PTN: variants seen among roughly 807,000 people sequenced by gnomAD.
PTN encodes pleiotrophin, also known as heparin affin regulatory protein.
In PTN, 18 loss-of-function variants were observed where a neutral mutation model predicts 24.1. The observed-to-expected ratio is 0.75, with a 90% CI of 0.52 to 1.11. The LOEUF (loss-of-function observed/expected upper bound fraction) is 1.11. Ranked by LOEUF, PTN falls within the 50% of genes least tolerant of loss-of-function variation. PTN has a pLI of 0.00. For missense variants in PTN, 163 were observed against 198.8 expected, an observed-to-expected ratio of 0.82 and a Z score of 1.08; for synonymous variants, 78 against 68.6, an observed-to-expected ratio of 1.14 and a Z score of -0.67.
At chr7:137,251,095 C>G (rs1021835882) in intron 4 of PTN, 135 bp downstream of exon 4, 42 of 1,033,726 alleles carry the variant, frequency 4.1e-5, no homozygotes, top group Admixed American at 1.9e-4. Flanking sequence ...TTTTGTGACT[C>G]TCAGTGTAGG....
At chr7:137,239,199 T>C (rs1239575017) in intron 4 of PTN, among the ~76,000 whole-genome samples, 6 of 152,172 alleles carry the variant, frequency 3.9e-5, no homozygotes, top group Admixed American at 3.9e-4. Flanking sequence ...TGATCCCAAG[T>C]GAGCTCATTG....
chr7:137,293,922 T>C (rs1305886069), intron 1 of PTN, among the ~76,000 whole-genome samples: 2 of 152,122 alleles, frequency 1.3e-5, no homozygotes, highest in African/African-American at 4.8e-5. Context: ...GTCTGTGCTA[T>C]GACCTCCCTT....
At chr7:137,269,798 A>T (rs927496145) in intron 1 of PTN, among the ~76,000 whole-genome samples, 1 of 151,620 alleles carries the variant, frequency 6.6e-6, no homozygotes, top group Non-Finnish European at 1.5e-5. Flanking sequence ...CTGCCCGGCT[A>T]ATTTTTGTAC....
At chr7:137,301,300 G>T (rs1809801499) in intron 1 of PTN, among the ~76,000 whole-genome samples, 1 of 151,944 alleles carries the variant, frequency 6.6e-6, no homozygotes, top group Non-Finnish European at 1.5e-5. Flanking sequence ...CCCAAGGGCA[G>T]TGTAAAGACC....
At chr7:137,281,980 T>G (rs533602927) in intron 1 of PTN, among the ~76,000 whole-genome samples, 1 of 152,274 alleles carries the variant, frequency 6.6e-6, no homozygotes, top group Admixed American at 6.5e-5. Flanking sequence ...AGAAACAGGG[T>G]TTGAACTCAG....
Position 137,244,262 on chromosome 7 carries a change from G to C in PTN, c.451+6968C>G, listed in dbSNP as rs377595985. Among the ~76,000 whole-genome samples the C allele has an allele frequency of 1.8e-4, 28 of 151,918 alleles. No individual in the cohort carries two copies. In the South Asian group the frequency reaches 5.8e-3, roughly 32 times the overall value. ...TAATACTGCCTCCATCTCCAGGAAA[G>C]CTAAATTCCAGATGTGCACATTTCA... On this transcript the variant is annotated intron_variant, in intron 4 of 4. Coordinates refer to ENST00000348225, the MANE Select transcript of PTN (RefSeq NM_002825.7).
At chr7:137,325,992 G>A (rs938560047) in intron 1 of PTN, 3 of 152,134 alleles carry the variant, frequency 2.0e-5, no homozygotes, top group Non-Finnish European at 4.4e-5. Context: ...AATGAAAAAC[G>A]TTTCTCAGAA....
intron 1 of PTN, among the ~76,000 whole-genome samples, chr7:137,274,742 G>C (rs150154422): frequency 3.7e-4 from 57 of 152,262 alleles, no homozygotes; most frequent in African/African-American, 1.3e-3. Context: ...TAACTATTCT[G>C]TACTTTATAA....
At chr7:137,279,575 T>C (rs1809432024) in intron 1 of PTN, among the ~76,000 whole-genome samples, 1 of 152,206 alleles carries the variant, frequency 6.6e-6, no homozygotes, top group African/African-American at 2.4e-5. Flanking sequence ...GTGTGATCTA[T>C]TTCAGAAGTC....
chr7:137,319,023 T>C (rs1810118754), intron 1 of PTN, among the ~76,000 whole-genome samples: 1 of 152,202 alleles, frequency 6.6e-6, no homozygotes, highest in Non-Finnish European at 1.5e-5. Context: ...CTGATCCATC[T>C]ATCTTTCTCT....
At chr7:137,254,303 A>T (rs1200602438) in intron 2 of PTN, among the ~76,000 whole-genome samples, 2 of 152,096 alleles carry the variant, frequency 1.3e-5, no homozygotes, top group East Asian at 3.9e-4. Flanking sequence ...CTCAAAAAAA[A>T]AAAAAAAGAA....
At chr7:137,313,989 A>G (rs1810027558) in intron 1 of PTN, among the ~76,000 whole-genome samples, 1 of 152,154 alleles carries the variant, frequency 6.6e-6, no homozygotes, top group African/African-American at 2.4e-5. Flanking sequence ...GAGAAATCAC[A>G]TTTGGAAAGC....
intron 1 of PTN, among the ~76,000 whole-genome samples, chr7:137,255,403 A>G (rs1808903712): frequency 6.6e-6 from 1 of 152,198 alleles, no homozygotes; most frequent in Non-Finnish European, 1.5e-5. Flanking sequence ...ACACAAGACC[A>G]ATTTGAGTAG....
chr7:137,310,648 C>T lies in PTN; in HGVS notation c.-2+32791G>A, dbSNP rs185937657. ...CTCAATCTCCTGACCTCATGATCCGCCTGTCTCAGCCTCCCAAAGTGCTGG... is the reference window on the plus strand; with the variant it reads ...CTCAATCTCCTGACCTCATGATCCGTCTGTCTCAGCCTCCCAAAGTGCTGG... On this transcript the variant is annotated intron_variant, in intron 1 of 4. Transcript: ENST00000348225. 2.0e-5 allele frequency among the ~76,000 whole-genome samples: 3 copies of T among 152,202 alleles called. No individual in the cohort carries two copies. The East Asian group carries it at 5.8e-4, about 29-fold the overall frequency.
chr7:137,262,833 G>T (rs1809066888), intron 1 of PTN, among the ~76,000 whole-genome samples: 1 of 152,164 alleles, frequency 6.6e-6, no homozygotes, highest in Admixed American at 6.5e-5. Context: ...GTCAGGGGTG[G>T]AATTTTTACT....
chr7:137,274,455 T>C lies in PTN; in HGVS notation c.-1-19481A>G, dbSNP rs192484026. On this transcript the variant is annotated intron_variant, in intron 1 of 4. Transcript: ENST00000348225. ...GTACACATGTGCCATGCTGCTTTGC[T>C]GCACCCATCAACCCGTCACCTACAT... Among the ~76,000 whole-genome samples the C allele has an allele frequency of 5.7e-4, 87 of 152,230 alleles. No individual in the cohort carries two copies. In the East Asian group the frequency reaches 0.016, roughly 28 times the overall value.
At chr7:137,244,374 ATTTTTTT>A (rs1242182641) in intron 4 of PTN, among the ~76,000 whole-genome samples, 3 of 131,164 alleles carry the variant, frequency 2.3e-5, no homozygotes, top group Admixed American at 7.8e-5. Flanking sequence ...TCTCCTCAGA[ATTTTTTT>A]TTTTTTTTTT....
At chr7:137,251,526 CAG>C in intron 3 of PTN, 135 bp from the exon 4 acceptor site, 1 of 975,720 alleles carries the variant, frequency 1.0e-6, no homozygotes. Flanking sequence ...AGAAATAATA[CAG>C]AGTGTATGCG....
chr7:137,281,752 C>T (rs1277117191), intron 1 of PTN, among the ~76,000 whole-genome samples: 5 of 152,120 alleles, frequency 3.3e-5, no homozygotes, highest in African/African-American at 4.8e-5. Context: ...TATATATGCA[C>T]TCCAGAACAA....
Sources: allele counts gnomAD v4.1 joint callset (sites outside exome capture counted in the v4.1 genomes callset), GRCh38; gene constraint gnomAD v4.1.1; transcripts MANE v1.5; gene names NCBI Gene and HGNC (gene_info 2026-07-23, HGNC 2026-07-21).